The following KCNH2 variants were observed in gnomAD, a reference collection of about 807,000 sequenced individuals.
The protein encoded by KCNH2 is voltage-gated inwardly rectifying potassium channel KCNH2.
In KCNH2, 35 loss-of-function variants were observed where a neutral mutation model predicts 95.9. That is an observed-to-expected ratio of 0.37 (90% CI 0.28 to 0.48). KCNH2 has a LOEUF of 0.48. Ranked by LOEUF, KCNH2 falls within the 20% of genes least tolerant of loss-of-function variation. KCNH2 has a pLI of 0.99. For missense variants in KCNH2, 1,274 were observed against 1,702.9 expected (o/e 0.75, Z 4.43); for synonymous variants, 786 against 754.7 (o/e 1.04, Z -0.68).
chr7:150,967,732 TACAA>T (rs1447838066), intron 2 of KCNH2, among the ~76,000 whole-genome samples: 2 of 152,354 alleles, frequency 1.3e-5, no homozygotes, highest in East Asian at 3.9e-4. Context: ...ACTTCAAAAG[TACAA>T]ACAAAGCTAA....
chr7:150,947,730 G>T lies in KCNH2; in HGVS notation c.2841C>A (p.Gly947=). 1.9e-6 allele frequency: 3 copies of T among 1,564,346 alleles called. No homozygotes were observed. The highest frequency in any genetic ancestry group is 1.7e-6 in the Non-Finnish European group (2 of 1,157,882). ...SPESSEDEGP[G]RSSSPLRLVP... ...CCAGGCGGAGGGGGCTGGAGCTGCGGCCTGGGCCCTCATCCTCACTGCTCT... is the reference window on the plus strand; with the variant it reads ...CCAGGCGGAGGGGGCTGGAGCTGCGTCCTGGGCCCTCATCCTCACTGCTCT... Residue 947 remains glycine, a synonymous_variant, in exon 12 of 15, where the codon GGC becomes GGA. Transcript: ENST00000262186.
intron 2 of KCNH2, among the ~76,000 whole-genome samples, chr7:150,973,462 A>AT (rs1801891174): frequency 1.3e-5 from 2 of 152,224 alleles, no homozygotes; most frequent in Admixed American, 1.3e-4. Flanking sequence ...GAAGTAAAGC[A>AT]TTTGGCCCAG....
rs765920319 is a variant in KCNH2 at position 150,947,716 on chromosome 7, G to C, written c.2855C>G (p.Pro952Arg). The C allele has an allele frequency of 1.3e-6, 2 of 1,580,028 alleles. No individual in the cohort carries two copies. The highest frequency in any genetic ancestry group is 2.3e-5 in the South Asian group (2 of 87,406). Residue 952 changes from proline (P) to arginine (R), a missense_variant, in exon 12 of 15, where the codon CCC becomes CGC. Around this residue, in one of 7 missense-constraint regions of KCNH2, gnomAD observed 457 missense variants for 416.1 expected, o/e 1.10. Transcript: ENST00000262186. Reference protein sequence around the residue: ...EDEGPGRSSSPLRLVPFSSPR... With the variant: ...EDEGPGRSSSRLRLVPFSSPR... ...GCTGGAGAAGGGCACCAGGCGGAGG[G>C]GGCTGGAGCTGCGGCCTGGGCCCTC...
At chr7:150,949,888 T>C in intron 9 of KCNH2, 1 of 1,417,170 alleles carries the variant, frequency 7.1e-7, no homozygotes, top group Non-Finnish European at 9.4e-7. Context: ...CTAGAGGATC[T>C]AGATTTGATC....
At position 150,947,709 on chromosome 7, in the gene KCNH2, G is replaced by T; in HGVS notation, c.2862C>A (p.Arg954=). ...EGPGRSSSPL[R]LVPFSSPRPP... ...GCCTGGGGCTGGAGAAGGGCACCAG[G>T]CGGAGGGGGCTGGAGCTGCGGCCTG... The change falls in exon 12 of 15, where the codon CGC becomes CGA. Residue 954 remains arginine, a synonymous_variant. Transcript: ENST00000262186. 6.3e-7 allele frequency: 1 copy of T among 1,585,596 alleles called. No homozygotes were observed.
At chr7:150,947,929 G>A (rs753966232) in intron 11 of KCNH2, 51 bp from the exon 12 acceptor site, 2 of 1,513,648 alleles carry the variant, frequency 1.3e-6, no homozygotes, top group Admixed American at 2.1e-5. Flanking sequence ...ACAGAGAGGA[G>A]GGGGCGAGGG....
At position 150,958,863 on chromosome 7, in the gene KCNH2, G is replaced by T. The variant is rs41311021; in HGVS notation, c.473-361C>A. Among the ~76,000 whole-genome samples, 279 of 152,350 alleles carry T rather than the reference G, an allele frequency of 1.8e-3. 1 individual carries two copies. Among genetic ancestry groups the T allele is most frequent in the Non-Finnish European group, 3.1e-3 (210 of 68,040 alleles). ...AGTGCGTGGGGCCTGCGCCTAAGTGGGCGACACAATGCCAGGGGCCCTGCC... is the reference window on the plus strand; with the variant it reads ...AGTGCGTGGGGCCTGCGCCTAAGTGTGCGACACAATGCCAGGGGCCCTGCC... On this transcript the variant is annotated intron_variant, in intron 3 of 14. Coordinates refer to ENST00000262186, the MANE Select transcript of KCNH2 (RefSeq NM_000238.4).
At chr7:150,957,967 G>A (rs1801433094) in intron 4 of KCNH2, 92 bp downstream of exon 4, 7 of 1,059,750 alleles carry the variant, frequency 6.6e-6, no homozygotes, top group Non-Finnish European at 8.7e-6. Flanking sequence ...AGGACGTAGT[G>A]AAAAGGTCAG....
Position 150,962,514 on chromosome 7 carries a change from C to A in KCNH2, c.308-2778G>T, listed in dbSNP as rs1801592785. The stretch of plus-strand genomic sequence containing the variant: ...GCCCAGAATGGCATTCTGAAGCCCA[C>A]CCAGTCCAGGACCCCACATCTCAAA... On this transcript the variant is annotated intron_variant, in intron 2 of 14. Transcript: ENST00000262186. This position sits in a 1 kb window ranked among gnomAD's most constrained non-coding sequence, Gnocchi z 5.7. Among the ~76,000 whole-genome samples, 1 of 152,126 alleles carries A rather than the reference C, an allele frequency of 6.6e-6. No individual in the cohort carries two copies. Among genetic ancestry groups the A allele is most frequent in the Admixed American group, 6.5e-5 (1 of 15,276 alleles).
In KCNH2 at chr7:150,958,209, G is replaced by A. The variant is rs1390490789; in HGVS notation, c.766C>T (p.Leu256Phe). 2.2e-6 allele frequency: 3 copies of A among 1,372,230 alleles called. No individual in the cohort carries two copies. Among genetic ancestry groups the A allele is most frequent in the Non-Finnish European group, 2.8e-6 (3 of 1,065,802 alleles). 85.0% of individuals were successfully genotyped at this position (1,372,230 alleles called of 1,614,324 possible). The change falls in exon 4 of 15, where the codon CTC (leucine) becomes TTC (phenylalanine). Residue 256 changes from leucine (L) to phenylalanine (F), a missense_variant. Physicochemically the swap from Leu to Phe is conservative, Grantham distance 22. Coordinates refer to ENST00000262186, the MANE Select transcript of KCNH2 (RefSeq NM_000238.4). ...CTGGAGCCCGAGGCGTCGGGGTTGA[G>A]GCTGTGCGCCCGGGGCGATGGGAGC... ...GQLPSPRAHS[L>F]NPDASGSSCS... is the part of the protein sequence containing the mutation.
chr7:150,974,622 C>G, intron 2 of KCNH2, 89 bp downstream of exon 2: 1 of 871,080 alleles, frequency 1.1e-6, no homozygotes, highest in Non-Finnish European at 1.7e-6. Context: ...CCCCCACACC[C>G]CCACACCCCC....
In KCNH2 at chr7:150,977,924, T is replaced by C. The variant is rs1802018426; in HGVS notation, c.-11A>G. 1.9e-6 allele frequency: 3 copies of C among 1,576,560 alleles called. No individual in the cohort carries two copies. The highest frequency in any genetic ancestry group is 2.8e-5 in the African/African-American group (2 of 72,062). ...CCTCCGCACCGGCATCCTGAGCCCA[T>C]GGGCGGGCCGGGCGGGCCCCCACCC... On this transcript the variant is annotated 5_prime_UTR_variant, in exon 1 of 15. An upstream start codon of the reference 5' UTR is lost. Coordinates refer to ENST00000262186, the MANE Select transcript of KCNH2 (RefSeq NM_000238.4).
intron 2 of KCNH2, among the ~76,000 whole-genome samples, chr7:150,972,805 C>T (rs533287320): frequency 1.9e-4 from 29 of 152,330 alleles, no homozygotes; most frequent in African/African-American, 6.7e-4. Context: ...GGTGATCCCA[C>T]AATAACTCCT....
chr7:150,962,129 G>A lies in KCNH2; in HGVS notation c.308-2393C>T, dbSNP rs1278803976. Among the ~76,000 whole-genome samples the A allele has an allele frequency of 6.6e-6, 1 of 152,252 alleles. No individual in the cohort carries two copies. Among genetic ancestry groups the A allele is most frequent in the Non-Finnish European group, 1.5e-5 (1 of 68,040 alleles). On this transcript the variant is annotated intron_variant, in intron 2 of 14. Transcript: ENST00000262186. This position sits in a 1 kb window ranked among gnomAD's most constrained non-coding sequence, Gnocchi z 5.7. ...TGGTGTTGGAAGCTGCAGGGGGCTG[G>A]GCCCAGCTGGAGACCATTTGGCACC... is the stretch of plus-strand genomic sequence containing the variant.
intron 1 of KCNH2, among the ~76,000 whole-genome samples, chr7:150,977,631 A>G (rs952803140): frequency 1.1e-4 from 13 of 114,474 alleles, no homozygotes; most frequent in Non-Finnish European, 2.2e-4. Flanking sequence ...CCCAAGCCCC[A>G]ACCCCAAACC....
At chr7:150,973,868 T>C (rs1047725510) in intron 2 of KCNH2, among the ~76,000 whole-genome samples, 6 of 152,176 alleles carry the variant, frequency 3.9e-5, no homozygotes, top group Non-Finnish European at 7.4e-5. Flanking sequence ...TCAATGCTTA[T>C]GGGACACACG....
At chr7:150,957,218 G>C in intron 5 of KCNH2, 73 bp downstream of exon 5, 1 of 1,296,386 alleles carries the variant, frequency 7.7e-7, no homozygotes, top group East Asian at 2.5e-5. Flanking sequence ...CCCGGCTCTG[G>C]ATCACAGCCC....
At chr7:150,950,028 GT>G in intron 9 of KCNH2, 139 bp downstream of exon 9, 13 of 1,594,814 alleles carry the variant, frequency 8.2e-6, no homozygotes, top group Non-Finnish European at 1.1e-5. Flanking sequence ...GAGGGCCTGA[GT>G]TTAGGTGAAT....
At chr7:150,972,992 G>C (rs1443847315) in intron 2 of KCNH2, among the ~76,000 whole-genome samples, 1 of 152,170 alleles carries the variant, frequency 6.6e-6, no homozygotes, top group Non-Finnish European at 1.5e-5. Context: ...GACTGGCACC[G>C]TGTTTACAGA....
Sources: allele counts gnomAD v4.1 joint callset (sites outside exome capture counted in the v4.1 genomes callset), GRCh38; gene constraint gnomAD v4.1.1; regional missense constraint gnomAD v4.1.1; non-coding constraint Gnocchi (gnomAD v3.1); transcripts MANE v1.5; gene names NCBI Gene and HGNC (gene_info 2026-07-23, HGNC 2026-07-21).